Variants in LPL observed in about 807,000 individuals in gnomAD.
LPL encodes the protein phospholipase A1.
In LPL, 43 loss-of-function variants were observed where a neutral mutation model predicts 52.2. The ratio of observed to expected loss-of-function variants is 0.82; its 90% confidence interval spans 0.64 to 1.06. The LOEUF is 1.06. Ranked by LOEUF, LPL falls within the 50% of genes least tolerant of loss-of-function variation. The probability of loss-of-function intolerance (pLI) is 0.00; values close to 1 mark genes in which losing one functional copy is unlikely to be tolerated. For missense variants in LPL, 639 were observed against 585.3 expected (o/e 1.09, Z -0.95); for synonymous variants, 244 against 215.6 (o/e 1.13, Z -1.15).
At position 19,954,159 on chromosome 8, in the gene LPL, C is replaced by A; in HGVS notation, c.581C>A (p.Ala194Asp). The part of the protein sequence containing the change: ...PAGPNFEYAE[A>D]PSRLSPDDAD... Reference sequence around the variant, plus strand: ...GGACCTAACTTTGAGTATGCAGAAGCCCCGAGTCGTCTTTCTCCTGATGAT... The same window carrying A: ...GGACCTAACTTTGAGTATGCAGAAGACCCGAGTCGTCTTTCTCCTGATGAT... Residue 194 changes from alanine to aspartate, a missense_variant, in exon 5 of 10, where the codon GCC (alanine) becomes GAC (aspartate). Transcript: ENST00000650287. The A allele has an allele frequency of 6.2e-7, 1 of 1,614,166 alleles. No individual in the cohort carries two copies. Among genetic ancestry groups the A allele is most frequent in the Non-Finnish European group, 8.5e-7 (1 of 1,180,036 alleles).
At chr8:19,957,477 G>A (rs17091775) in intron 6 of LPL, among the ~76,000 whole-genome samples, 2,151 of 152,244 alleles carry the variant, frequency 0.014, 35 homozygotes, top group African/African-American at 0.049. Context: ...ATGCGTATGA[G>A]GTAAAGAGAG....
intron 2 of LPL, 80 bp downstream of exon 2, chr8:19,948,420 T>A: frequency 6.7e-7 from 1 of 1,492,162 alleles, no homozygotes; most frequent in East Asian, 2.3e-5. Flanking sequence ...GGGGACCCAG[T>A]GATGGGTCCG....
At position 19,939,455 on chromosome 8, in the gene LPL, C is replaced by T. The variant is rs554223627; in HGVS notation, c.15C>T (p.Ala5=). The part of the protein sequence containing the change: MESK[A]LLVLTLAVWL... ...CGCGCCCCGAGATGGAGAGCAAAGC[C>T]CTGCTCGTGCTGACTCTGGCCGTGT... The change falls in exon 1 of 10, where the codon GCC becomes GCT. Residue 5 remains alanine, a synonymous_variant. Transcript: ENST00000650287. This position sits in a 1 kb window ranked among gnomAD's most constrained non-coding sequence, Gnocchi z 4.0. The T allele has an allele frequency of 6.2e-7, 1 of 1,610,564 alleles. No individual in the cohort carries two copies. The highest frequency in any genetic ancestry group is 1.1e-5 in the South Asian group (1 of 90,584).
At chr8:19,947,656 A>ACACCCCCCCC (rs1563568836) in intron 1 of LPL, among the ~76,000 whole-genome samples, 1 of 69,592 alleles carries the variant, frequency 1.4e-5, no homozygotes. Context: ...AAACAAAACA[A>ACACCCCCCCC]CCCCCCCCCC....
At chr8:19,949,868 C>G (rs570912016) in intron 2 of LPL, among the ~76,000 whole-genome samples, 1 of 152,286 alleles carries the variant, frequency 6.6e-6, no homozygotes, top group East Asian at 1.9e-4. Flanking sequence ...TTAATAAACG[C>G]ATTTATACAA....
intron 1 of LPL, among the ~76,000 whole-genome samples, chr8:19,941,064 C>A (rs536820634): frequency 1.3e-5 from 2 of 152,204 alleles, no homozygotes; most frequent in South Asian, 4.1e-4. Flanking sequence ...TGCACTTCAT[C>A]CTGGGTGACA....
At chr8:19,959,815 GTC>G (rs1358341495) in intron 7 of LPL, among the ~76,000 whole-genome samples, 5 of 91,848 alleles carry the variant, frequency 5.4e-5, no homozygotes, top group African/African-American at 2.3e-4. Context: ...TTGAGATGGA[GTC>G]TCTCTCTATT....
intron 3 of LPL, among the ~76,000 whole-genome samples, chr8:19,952,384 G>A (rs551571866): frequency 1.2e-4 from 19 of 152,138 alleles, no homozygotes; most frequent in African/African-American, 4.6e-4. Flanking sequence ...TAGGATGAAC[G>A]TTTTTGTTGA....
intron 6 of LPL, among the ~76,000 whole-genome samples, chr8:19,956,525 G>C (rs977563024): frequency 1.3e-5 from 2 of 152,168 alleles, no homozygotes; most frequent in African/African-American, 4.8e-5. Flanking sequence ...CTTGTGACAT[G>C]GGAGTTTGTT....
intron 6 of LPL, among the ~76,000 whole-genome samples, chr8:19,957,721 TCTGA>T (rs1405191753): frequency 3.7e-4 from 57 of 152,168 alleles, no homozygotes; most frequent in African/African-American, 1.4e-3. Context: ...TTGCTTAGTA[TCTGA>T]CTACTTTTTA....
chr8:19,960,799 C>T, intron 7 of LPL, 102 bp from the exon 8 acceptor site: 2 of 828,104 alleles, frequency 2.4e-6, no homozygotes, highest in Non-Finnish European at 4.1e-6. Context: ...TAAAATATCC[C>T]CTAAATAATA....
Position 19,944,158 on chromosome 8 carries a change from C to T in LPL, c.89-4022C>T, listed in dbSNP as rs886815020. 4.6e-5 allele frequency among the ~76,000 whole-genome samples: 7 copies of T among 151,996 alleles called. No homozygotes were observed. The highest frequency in any genetic ancestry group is 8.8e-5 in the Non-Finnish European group (6 of 68,006). On this transcript the variant is annotated intron_variant, in intron 1 of 9. Transcript: ENST00000650287. The surrounding 1 kb of genome is among the most constrained non-coding windows in gnomAD (Gnocchi z 4.2). Reference sequence around the variant, plus strand: ...TCACGATCGTGCCACTGCACTCCAGCCTGGGTGACAGAGCAAGACTCCGTT... The same window carrying T: ...TCACGATCGTGCCACTGCACTCCAGTCTGGGTGACAGAGCAAGACTCCGTT...
At position 19,939,374 on chromosome 8, in the gene LPL, C is replaced by T; in HGVS notation, c.-67C>T. The T allele has an allele frequency of 3.3e-6, 5 of 1,503,568 alleles. No homozygotes were observed. Among genetic ancestry groups the T allele is most frequent in the Non-Finnish European group, 4.5e-6 (5 of 1,105,658 alleles). The allele number at this position is 1,503,568 out of a possible 1,614,324, so 93.1% of individuals were successfully genotyped here. A position where few individuals can be genotyped will look rare whatever the true frequency, so the allele number is the denominator to read the frequency against. The stretch of plus-strand genomic sequence containing the variant: ...AAACCGCGGCTCCAGCCCTCTCCAG[C>T]CTCCGGCTCAGCCGGCTCATCAGTC... On this transcript the variant is annotated 5_prime_UTR_variant, in exon 1 of 10. Coordinates refer to ENST00000650287, the MANE Select transcript of LPL (RefSeq NM_000237.3). This position sits in a 1 kb window ranked among gnomAD's most constrained non-coding sequence, Gnocchi z 4.0.
intron 5 of LPL, among the ~76,000 whole-genome samples, chr8:19,955,309 C>A (rs1333621890): frequency 6.6e-6 from 1 of 152,162 alleles, no homozygotes; most frequent in East Asian, 1.9e-4. Flanking sequence ...CCCTAACTTA[C>A]AGTTTTCCAA....
At chr8:19,947,993 C>G (rs2069897843) in intron 1 of LPL, among the ~76,000 whole-genome samples, 187 bp from the exon 2 acceptor site, 1 of 152,178 alleles carries the variant, frequency 6.6e-6, no homozygotes, top group African/African-American at 2.4e-5. Flanking sequence ...TTAAGGTTGT[C>G]TCTCTGTCAA....
chr8:19,950,973 A>G lies in LPL; in HGVS notation c.250-796A>G, dbSNP rs943205869. Among the ~76,000 whole-genome samples, 3 of 149,474 alleles carry G rather than the reference A, an allele frequency of 2.0e-5. No individual in the cohort carries two copies. The highest frequency in any genetic ancestry group is 4.4e-5 in the Non-Finnish European group (3 of 67,516). ...AGGAAGGAAGAACAAAGAAAAGAGAAACACTGGTAGTACAGAAAAACTTCT... is the reference window on the plus strand; with the variant it reads ...AGGAAGGAAGAACAAAGAAAAGAGAGACACTGGTAGTACAGAAAAACTTCT... On this transcript the variant is annotated intron_variant, in intron 2 of 9. Transcript: ENST00000650287. The surrounding 1 kb of genome is among the most constrained non-coding windows in gnomAD (Gnocchi z 4.2).
At position 19,966,594 on chromosome 8, in the gene LPL, C is replaced by T. The variant is rs551437994; in HGVS notation, c.*1284C>T. On this transcript the variant is annotated 3_prime_UTR_variant, in exon 10 of 10. Transcript: ENST00000650287. ...ATCTCAGAGGCTATAGCTGGGAACC[C>T]GACTGTGAAAGTATGTGATATCTGA... 5.3e-5 allele frequency: 8 copies of T among 152,092 alleles called. No homozygotes were observed. Among genetic ancestry groups the T allele is most frequent in the Non-Finnish European group, 1.0e-4 (7 of 68,030 alleles). The allele number at this position is 152,092 out of a possible 1,614,324, so 9.4% of individuals were successfully genotyped here.
At chr8:19,957,659 A>G (rs1184819099) in intron 6 of LPL, among the ~76,000 whole-genome samples, 1 of 152,086 alleles carries the variant, frequency 6.6e-6, no homozygotes, top group East Asian at 1.9e-4. Flanking sequence ...TCTCAATTCA[A>G]TGTCTCTTCA....
chr8:19,940,199 C>T (rs566142336), intron 1 of LPL, among the ~76,000 whole-genome samples: 17 of 152,362 alleles, frequency 1.1e-4, no homozygotes, highest in Middle Eastern at 3.4e-3. Flanking sequence ...CCCGGACTCT[C>T]TCCAGCTTCC....
Sources: allele counts gnomAD v4.1 joint callset (sites outside exome capture counted in the v4.1 genomes callset), GRCh38; gene constraint gnomAD v4.1.1; non-coding constraint Gnocchi (gnomAD v3.1); transcripts MANE v1.5; gene names NCBI Gene and HGNC (gene_info 2026-07-23, HGNC 2026-07-21).